NANS: variants seen among roughly 807,000 people sequenced by gnomAD.
The protein encoded by NANS is N-acetylneuraminate-9-phosphate synthase.
NANS carries 29 observed loss-of-function variants against 33.3 expected under a neutral mutation model. The ratio of observed to expected loss-of-function variants is 0.87; its 90% CI spans 0.65 to 1.19. The LOEUF (loss-of-function observed/expected upper bound fraction) is 1.19. NANS is among the 50% of genes most tolerant of loss of function. The pLI, the probability that NANS is intolerant of heterozygous loss-of-function variation, is 0.00. For missense variants in NANS, 394 were observed against 461.1 expected (o/e 0.85, Z 1.33); for synonymous variants, 163 against 177.2 (o/e 0.92, Z 0.64).
chr9:98,080,751 T>A (rs1829816238), intron 4 of NANS, 65 bp from the exon 5 acceptor site: 1 of 1,511,792 alleles, frequency 6.6e-7, no homozygotes, highest in Non-Finnish European at 8.9e-7. Context: ...CAGATACGCT[T>A]CACCTGGAGA....
At chr9:98,061,834 C>T (rs1384422250) in intron 2 of NANS, among the ~76,000 whole-genome samples, 2 of 151,522 alleles carry the variant, frequency 1.3e-5, no homozygotes, top group Non-Finnish European at 2.9e-5. Flanking sequence ...CAAGTTGTCT[C>T]TGGAAGTAGG....
At chr9:98,063,191 G>T (rs1014228319) in intron 2 of NANS, among the ~76,000 whole-genome samples, 1 of 151,748 alleles carries the variant, frequency 6.6e-6, no homozygotes, top group African/African-American at 2.4e-5. Flanking sequence ...GCCTCCCAAA[G>T]GTCTGGGGAT....
chr9:98,081,334 T>G (rs1010447394), intron 5 of NANS: 1 of 529,264 alleles, frequency 1.9e-6, no homozygotes, highest in Non-Finnish European at 3.4e-6. Context: ...CACATTAGAG[T>G]CTTCCACTAA....
intron 4 of NANS, 139 bp downstream of exon 4, chr9:98,078,486 A>G: frequency 8.5e-7 from 1 of 1,174,970 alleles, no homozygotes. Context: ...TTACCAAATC[A>G]AATTCGAGCT....
intron 2 of NANS, among the ~76,000 whole-genome samples, chr9:98,070,310 G>A (rs895392806): frequency 6.6e-6 from 1 of 152,004 alleles, no homozygotes; most frequent in Non-Finnish European, 1.5e-5. Flanking sequence ...TAGAGACGGG[G>A]TTTCACCATG....
chr9:98,057,022 C>T, intron 1 of NANS, 82 bp downstream of exon 1: 1 of 1,442,556 alleles, frequency 6.9e-7, no homozygotes, highest in African/African-American at 1.5e-5. Context: ...GCCACACGGC[C>T]TCCGCGGCTG....
chr9:98,073,444 C>T (rs973105054), intron 2 of NANS, among the ~76,000 whole-genome samples: 4 of 151,716 alleles, frequency 2.6e-5, no homozygotes, highest in East Asian at 1.9e-4. Flanking sequence ...ACCAACACGC[C>T]GGGCTAATTT....
chr9:98,073,948 G>T (rs770060113), intron 2 of NANS, among the ~76,000 whole-genome samples: 1 of 151,932 alleles, frequency 6.6e-6, no homozygotes, highest in Non-Finnish European at 1.5e-5. Flanking sequence ...CACACACCCG[G>T]CTAATTTTTA....
chr9:98,080,085 G>C (rs1346455503), intron 4 of NANS, among the ~76,000 whole-genome samples: 1 of 152,166 alleles, frequency 6.6e-6, no homozygotes, highest in East Asian at 1.9e-4. Context: ...GTGGTGGCGG[G>C]CACCCATAGT....
At chr9:98,062,907 A>T (rs889346261) in intron 2 of NANS, among the ~76,000 whole-genome samples, 1 of 146,818 alleles carries the variant, frequency 6.8e-6, no homozygotes, top group Non-Finnish European at 1.5e-5. Flanking sequence ...GTTTAAAATT[A>T]AAAAAAGTTT....
chr9:98,068,828 TA>T (rs35363398), intron 2 of NANS, among the ~76,000 whole-genome samples: 43,776 of 142,944 alleles, frequency 0.31, 6,641 homozygotes, highest in Admixed American at 0.4. Flanking sequence ...ATCCTGTCTC[TA>T]AAAAAAAAAA....
intron 2 of NANS, among the ~76,000 whole-genome samples, chr9:98,062,703 G>A (rs1481038629): frequency 1.3e-5 from 2 of 149,990 alleles, no homozygotes; most frequent in South Asian, 2.1e-4. Context: ...TAATAGCAAC[G>A]TAATATTTCT....
At position 98,060,970 on chromosome 9, in the gene NANS, C is replaced by T. The variant is rs763764014; in HGVS notation, c.321C>T (p.Ile107=). The change falls in exon 2 of 6, where the codon ATC becomes ATT. Residue 107 remains isoleucine (I), a synonymous_variant. Coordinates refer to ENST00000210444, the MANE Select transcript of NANS (RefSeq NM_018946.4). ...ELQRYAEEVG[I]FFTASGMDEM... ...AGAGGTACGCCGAGGAGGTTGGGATCTTCTTCACTGCCTCTGGCATGGATG... is the reference window on the plus strand; with the variant it reads ...AGAGGTACGCCGAGGAGGTTGGGATTTTCTTCACTGCCTCTGGCATGGATG... The T allele has an allele frequency of 2.5e-6, 4 of 1,613,866 alleles. No individual in the cohort carries two copies. The highest frequency in any genetic ancestry group is 2.7e-5 in the African/African-American group (2 of 74,924).
chr9:98,082,724 C>G (rs931135796), intron 5 of NANS, 122 bp from the exon 6 acceptor site: 1 of 827,740 alleles, frequency 1.2e-6, no homozygotes, highest in Non-Finnish European at 1.9e-6. Context: ...TAGGGGGCAA[C>G]AGAGTGCCTG....
intron 2 of NANS, among the ~76,000 whole-genome samples, chr9:98,064,352 C>A (rs1304131779): frequency 6.6e-6 from 1 of 152,048 alleles, no homozygotes; most frequent in African/African-American, 2.4e-5. Flanking sequence ...CTCCCGGGTT[C>A]AAGTTATTCT....
intron 2 of NANS, among the ~76,000 whole-genome samples, chr9:98,072,797 T>C (rs540250684): frequency 6.6e-6 from 1 of 152,286 alleles, no homozygotes; most frequent in African/African-American, 2.4e-5. Context: ...CCTTGTTCTG[T>C]ATTTACCTAG....
intron 1 of NANS, among the ~76,000 whole-genome samples, chr9:98,058,570 C>T (rs1359674749): frequency 6.6e-6 from 1 of 152,206 alleles, no homozygotes; most frequent in East Asian, 1.9e-4. Flanking sequence ...AAGGAGCAGT[C>T]TGTTTTTCCT....
chr9:98,082,939 T>C lies in NANS; in HGVS notation c.964T>C (p.Tyr322His), dbSNP rs982673491. ...LTVKVGEPKG[Y>H]PPEDIFNLVG... is the part of the protein sequence containing the mutation. ...CGTGAAGGTGGGTGAGCCCAAAGGC[T>C]ATCCTCCTGAAGACATCTTTAATCT... The change falls in exon 6 of 6, where the codon TAT becomes CAT. Residue 322 changes from tyrosine (Y) to histidine (H), a missense_variant. Transcript: ENST00000210444. 1 of 1,614,222 alleles carries C rather than the reference T, an allele frequency of 6.2e-7. No homozygotes were observed.
intron 2 of NANS, among the ~76,000 whole-genome samples, chr9:98,072,403 G>A (rs1829378708): frequency 1.3e-5 from 2 of 152,008 alleles, no homozygotes; most frequent in South Asian, 4.2e-4. Context: ...CAGGCAGTGA[G>A]GGAAAGTGCA....
Sources: allele counts gnomAD v4.1 joint callset (sites outside exome capture counted in the v4.1 genomes callset), GRCh38; gene constraint gnomAD v4.1.1; transcripts MANE v1.5; gene names NCBI Gene and HGNC (gene_info 2026-07-23, HGNC 2026-07-21).